The following ADCY7 variants were observed in gnomAD, a reference collection of about 807,000 sequenced individuals.
ADCY7 encodes adenylate cyclase 7.
A neutral mutation model predicts 120.6 loss-of-function variants in ADCY7; 72 were observed. The ratio of observed to expected loss-of-function variants is 0.60; its 90% CI spans 0.49 to 0.73. The LOEUF (loss-of-function observed/expected upper bound fraction) is 0.73, where lower values mean the gene tolerates loss of function less well. ADCY7 is among the 30% of genes least tolerant of loss of function. ADCY7 has a pLI of 0.00. For synonymous variants in ADCY7, 661 were observed against 628.0 expected (o/e 1.05, Z -0.78); for missense variants, 1,227 against 1,486.0 (o/e 0.83, Z 2.87).
At position 50,290,603 on chromosome 16, in the gene ADCY7, G is replaced by T. The variant is rs377182953; in HGVS notation, c.318G>T (p.Ala106=). Residue 106 remains alanine (A), a synonymous_variant, in exon 3 of 26, where the codon GCG becomes GCT. Coordinates refer to ENST00000673801, the MANE Select transcript of ADCY7 (RefSeq NM_001114.5). ...LALLTWACLV[A]LGYVLVFDAW... ...TGCTCACCTGGGCCTGCTTGGTGGC[G>T]CTGGGCTATGTGCTGGTGTTCGACG... 1.9e-6 allele frequency: 3 copies of T among 1,614,018 alleles called. No individual in the cohort carries two copies. Among genetic ancestry groups the T allele is most frequent in the African/African-American group, 1.3e-5 (1 of 74,946 alleles).
chr16:50,268,861 A>T (rs1312629326), intron 1 of ADCY7, among the ~76,000 whole-genome samples: 3 of 151,900 alleles, frequency 2.0e-5, no homozygotes, highest in Admixed American at 2.0e-4. Context: ...ACATGGCGAA[A>T]CCCCGTCTCT....
intron 8 of ADCY7, among the ~76,000 whole-genome samples, chr16:50,300,329 C>G (rs553011058): frequency 2.0e-5 from 3 of 152,104 alleles, no homozygotes; most frequent in African/African-American, 7.2e-5. Flanking sequence ...GCCTCAGCCT[C>G]CCACAGTGCT....
At chr16:50,270,641 C>T (rs926176624) in intron 1 of ADCY7, among the ~76,000 whole-genome samples, 3 of 152,164 alleles carry the variant, frequency 2.0e-5, no homozygotes, top group Non-Finnish European at 2.9e-5. Context: ...GAGATTGGAC[C>T]TCCCTGGGGG....
chr16:50,249,481 A>C (rs542776819), intron 1 of ADCY7, among the ~76,000 whole-genome samples: 2 of 150,874 alleles, frequency 1.3e-5, no homozygotes, highest in Non-Finnish European at 3.0e-5. Context: ...ACAAAACCAA[A>C]GTACTCAGGC....
chr16:50,311,021 G>C lies in ADCY7; in HGVS notation c.2354+141G>C, dbSNP rs1163789865. The C allele has an allele frequency of 1.0e-5, 9 of 881,004 alleles. No homozygotes were observed. In the East Asian group the frequency reaches 2.4e-4, roughly 23 times the overall value. The allele number at this position is 881,004 out of a possible 1,614,324, so 54.6% of individuals were successfully genotyped here. A position where few individuals can be genotyped will look rare whatever the true frequency, so the allele number is the denominator to read the frequency against. On this transcript the variant is annotated intron_variant, in intron 19 of 25. Coordinates refer to ENST00000673801, the MANE Select transcript of ADCY7 (RefSeq NM_001114.5). ...GCTGGCAGATGGTGTCCAGCGCTCAGAGCCGAGGAATTCACTGGCAGGTTC... is the reference window on the plus strand; with the variant it reads ...GCTGGCAGATGGTGTCCAGCGCTCACAGCCGAGGAATTCACTGGCAGGTTC...
upstream of ADCY7, among the ~76,000 whole-genome samples, chr16:50,263,703 G>T (rs77741550): frequency 6.6e-6 from 1 of 151,970 alleles, no homozygotes; most frequent in African/African-American, 2.4e-5. Context: ...TTCTCAAGCC[G>T]AGATCATCTT....
At chr16:50,258,068 A>G (rs533269853) in intron 1 of ADCY7, among the ~76,000 whole-genome samples, 2 of 152,072 alleles carry the variant, frequency 1.3e-5, no homozygotes, top group South Asian at 4.2e-4. Context: ...TAGCTTTTTA[A>G]AATCAGGATC....
chr16:50,281,786 C>T (rs750702934), intron 1 of ADCY7, among the ~76,000 whole-genome samples: 6 of 152,178 alleles, frequency 3.9e-5, no homozygotes, highest in Non-Finnish European at 8.8e-5. Context: ...CTGGGTCCCA[C>T]GAGGTTTACT....
chr16:50,274,667 T>G (rs1021852701), intron 1 of ADCY7, among the ~76,000 whole-genome samples: 4 of 151,950 alleles, frequency 2.6e-5, no homozygotes, highest in African/African-American at 9.7e-5. Context: ...CCGGGCCAGG[T>G]GGTGGCTTCA....
chr16:50,293,683 T>A (rs2302715), intron 6 of ADCY7, among the ~76,000 whole-genome samples, 181 bp downstream of exon 6: 1 of 152,030 alleles, frequency 6.6e-6, no homozygotes, highest in Non-Finnish European at 1.5e-5. Context: ...CCCCCACTTG[T>A]GGGCAGGATC....
upstream of ADCY7, among the ~76,000 whole-genome samples, chr16:50,265,452 A>G (rs1303294335): frequency 6.6e-6 from 1 of 152,200 alleles, no homozygotes; most frequent in Non-Finnish European, 1.5e-5. Flanking sequence ...GCACAGAGAC[A>G]GCACCTAACA....
intron 20 of ADCY7, 100 bp downstream of exon 20, chr16:50,311,886 A>G (rs1448139958): frequency 3.5e-5 from 50 of 1,435,806 alleles, no homozygotes; most frequent in Non-Finnish European, 4.6e-5. Flanking sequence ...GTGGAGTAGC[A>G]GAAAAGACTA....
In ADCY7 at chr16:50,288,302, G is replaced by A; in HGVS notation, c.123G>A (p.Val41=). The change falls in exon 2 of 26, where the codon GTG becomes GTA. Residue 41 remains valine, a synonymous_variant. Transcript: ENST00000673801. ...HGPLLLTLLL[V]AATACVALII... is the part of the protein sequence containing the mutation. ...CGCTGCTGCTCACGCTCCTGCTGGTGGCCGCCACTGCCTGCGTGGCCCTCA... is the reference window on the plus strand; with the variant it reads ...CGCTGCTGCTCACGCTCCTGCTGGTAGCCGCCACTGCCTGCGTGGCCCTCA... 1 of 1,550,820 alleles carries A rather than the reference G, an allele frequency of 6.4e-7. No individual in the cohort carries two copies. Among genetic ancestry groups the A allele is most frequent in the Non-Finnish European group, 8.7e-7 (1 of 1,146,818 alleles).
chr16:50,300,909 C>G (rs1323949038), intron 9 of ADCY7, 36 bp downstream of exon 9: 1 of 1,546,636 alleles, frequency 6.5e-7, no homozygotes, highest in Non-Finnish European at 8.7e-7. Context: ...GGACAGAGGC[C>G]TGGGGCTGGC....
chr16:50,247,294 A>C (rs1207229069), intron 1 of ADCY7, among the ~76,000 whole-genome samples: 4 of 152,050 alleles, frequency 2.6e-5, no homozygotes, highest in Admixed American at 1.3e-4. Context: ...ACCCCACAGG[A>C]GTGGCTGACT....
chr16:50,292,721 G>A lies in ADCY7; in HGVS notation c.583G>A (p.Ala195Thr), dbSNP rs750457491. The change falls in exon 5 of 26, where the codon GCC becomes ACC. Residue 195 changes from alanine (A) to threonine (T), a missense_variant. This residue lies in a region of ADCY7 where 382 missense variants were observed against 411.4 expected (regional missense o/e 0.93). Transcript: ENST00000673801. ...CTTCCTGTGTGGGAACCTGACAGGC[G>A]CCTTCCACAAGCACCAAATGCAGGA... ...VIFLCGNLTG[A>T]FHKHQMQDAS... 9.3e-6 allele frequency: 15 copies of A among 1,613,808 alleles called. No homozygotes were observed. The highest frequency in any genetic ancestry group is 6.7e-5 in the East Asian group (3 of 44,890).
chr16:50,308,213 G>T, intron 15 of ADCY7, 114 bp from the exon 16 acceptor site: 4 of 1,581,202 alleles, frequency 2.5e-6, no homozygotes, highest in Non-Finnish European at 3.5e-6. Context: ...CCTTTGCTGT[G>T]GGCAGAATAC....
chr16:50,306,330 C>T (rs1348129227), intron 14 of ADCY7, among the ~76,000 whole-genome samples: 1 of 152,158 alleles, frequency 6.6e-6, no homozygotes, highest in Non-Finnish European at 1.5e-5. Flanking sequence ...ACGGCCAGCC[C>T]AGGGGTGCTG....
intron 5 of ADCY7, 148 bp downstream of exon 5, chr16:50,292,973 G>GGCTAT: frequency 1.3e-5 from 14 of 1,069,562 alleles, no homozygotes; most frequent in Non-Finnish European, 1.9e-5. Flanking sequence ...GGCTCCAGCA[G>GGCTAT]GGTAACCATA....
Sources: allele counts gnomAD v4.1 joint callset (sites outside exome capture counted in the v4.1 genomes callset), GRCh38; gene constraint gnomAD v4.1.1; regional missense constraint gnomAD v4.1.1; transcripts MANE v1.5; gene names NCBI Gene and HGNC (gene_info 2026-07-23, HGNC 2026-07-21).